NCALD: variants seen among roughly 807,000 people sequenced by gnomAD.
NCALD encodes the protein neurocalcin-delta.
A neutral mutation model predicts 18.6 loss-of-function variants in NCALD; 10 were observed. The observed-to-expected ratio is 0.54, with a 90% CI of 0.33 to 0.91. The LOEUF is 0.91. Among genes scored for constraint, NCALD ranks in the 40% least tolerant of loss-of-function variants. The pLI is 0.03. For synonymous variants in NCALD, 88 were observed against 87.4 expected, an observed-to-expected ratio of 1.01 and a Z score of -0.04; for missense variants, 184 against 247.6, an observed-to-expected ratio of 0.74 and a Z score of 1.72.
At chr8:101,964,291 T>C (rs1360558886) in intron 2 of NCALD, among the ~76,000 whole-genome samples, 2 of 152,206 alleles carry the variant, frequency 1.3e-5, no homozygotes, top group Non-Finnish European at 1.5e-5. Flanking sequence ...ATCTAAAGTT[T>C]CTCTAACTTG....
intron 4 of NCALD, among the ~76,000 whole-genome samples, chr8:101,855,359 C>T (rs73696520): frequency 0.03 from 4,497 of 152,192 alleles, 223 homozygotes; most frequent in African/African-American, 0.1. Context: ...TCAGTCTTAC[C>T]TTCTCCTGGA....
chr8:102,095,356 G>T (rs768228113), intron 1 of NCALD, among the ~76,000 whole-genome samples: 1 of 152,142 alleles, frequency 6.6e-6, no homozygotes, highest in Admixed American at 6.5e-5. Flanking sequence ...TGTTCTGATG[G>T]TGAGGCAGGA....
chr8:102,115,544 C>A (rs893450136), intron 1 of NCALD, among the ~76,000 whole-genome samples: 1 of 152,184 alleles, frequency 6.6e-6, no homozygotes, highest in African/African-American at 2.4e-5. Flanking sequence ...CTACAGTCAT[C>A]GAATTCTCCA....
At chr8:101,946,116 C>T (rs1352340957) in intron 2 of NCALD, among the ~76,000 whole-genome samples, 2 of 152,024 alleles carry the variant, frequency 1.3e-5, no homozygotes, top group Non-Finnish European at 1.5e-5. Context: ...AGCAAAGCTC[C>T]GTCTTCAGTT....
In NCALD at chr8:102,005,856, C is replaced by T. The variant is rs1200928286; in HGVS notation, c.-157+14381G>A. ...GAACACATGGACACAGGAAGGGGAA[C>T]ATCACACACTGGGGCCTGTTGTGGG... On this transcript the variant is annotated intron_variant, in intron 2 of 6. Transcript: ENST00000311028. Among the ~76,000 whole-genome samples the T allele has an allele frequency of 5.4e-5, 7 of 130,702 alleles. 1 individual carries two copies. The highest frequency in any genetic ancestry group is 9.2e-5 in the Non-Finnish European group (6 of 65,322). The allele number at this position is 130,702 out of a possible 152,430, so 85.7% of individuals were successfully genotyped here. A position where few individuals can be genotyped will look rare whatever the true frequency, so the allele number is the denominator to read the frequency against.
At chr8:101,945,045 C>T (rs537955118) in intron 2 of NCALD, among the ~76,000 whole-genome samples, 3 of 152,288 alleles carry the variant, frequency 2.0e-5, no homozygotes, top group East Asian at 1.9e-4. Context: ...GAGCAATGTT[C>T]GTGTCCTACG....
chr8:101,902,371 T>C (rs530034348), intron 3 of NCALD, among the ~76,000 whole-genome samples: 1 of 152,098 alleles, frequency 6.6e-6, no homozygotes, highest in South Asian at 2.1e-4. Context: ...TTTTTTGAAG[T>C]AGTAAAAAGA....
intron 1 of NCALD, among the ~76,000 whole-genome samples, chr8:102,073,853 T>C (rs28495349): frequency 0.17 from 25,956 of 152,188 alleles, 2,582 homozygotes; most frequent in African/African-American, 0.27. Context: ...CTGGTTGAAA[T>C]TGCTGTCTCT....
chr8:101,752,832 C>T (rs76436179), intron 1 of NCALD, among the ~76,000 whole-genome samples: 2,574 of 152,172 alleles, frequency 0.017, 102 homozygotes, highest in East Asian at 0.11. Flanking sequence ...TTAGTCACCA[C>T]ATTGAAAATT....
intron 1 of NCALD, among the ~76,000 whole-genome samples, chr8:101,773,651 G>C (rs1230270611): frequency 6.6e-6 from 1 of 152,174 alleles, no homozygotes; most frequent in Non-Finnish European, 1.5e-5. Flanking sequence ...GAACTCCTGT[G>C]AGAGAGGCCC....
At chr8:101,768,342 T>C (rs1811434412) in intron 1 of NCALD, among the ~76,000 whole-genome samples, 1 of 151,974 alleles carries the variant, frequency 6.6e-6, no homozygotes, top group Non-Finnish European at 1.5e-5. Context: ...ACCAATAGTC[T>C]ATATCTGCAG....
intron 1 of NCALD, among the ~76,000 whole-genome samples, chr8:101,778,699 G>C (rs1246448076): frequency 2.6e-5 from 4 of 152,106 alleles, no homozygotes; most frequent in Non-Finnish European, 5.9e-5. Context: ...TAAGACCATA[G>C]AGGAGAGATC....
intron 1 of NCALD, among the ~76,000 whole-genome samples, chr8:101,789,241 A>G (rs1005505775): frequency 6.6e-6 from 1 of 152,208 alleles, no homozygotes; most frequent in African/African-American, 2.4e-5. Flanking sequence ...CTGAAATGTT[A>G]CATATAAATT....
At chr8:101,893,891 G>T (rs376758306) in intron 3 of NCALD, among the ~76,000 whole-genome samples, 83 of 146,006 alleles carry the variant, frequency 5.7e-4, no homozygotes, top group Non-Finnish European at 9.2e-4. Context: ...ACAAAGAGAC[G>T]TAGACTCCCA....
intron 1 of NCALD, among the ~76,000 whole-genome samples, chr8:101,764,532 A>G (rs1811264061): frequency 6.6e-6 from 1 of 152,190 alleles, no homozygotes; most frequent in Non-Finnish European, 1.5e-5. Context: ...GATGAATATG[A>G]GGAGGGAAGT....
chr8:101,966,444 G>A (rs2131874475), intron 2 of NCALD, among the ~76,000 whole-genome samples: 1 of 147,900 alleles, frequency 6.8e-6, no homozygotes, highest in East Asian at 2.0e-4. Context: ...AGAACACATG[G>A]ACACAGGAAG....
intron 1 of NCALD, among the ~76,000 whole-genome samples, chr8:102,075,636 C>T (rs747891167): frequency 6.6e-6 from 1 of 151,998 alleles, no homozygotes; most frequent in Non-Finnish European, 1.5e-5. Context: ...GAGACATTGG[C>T]AAGATGAATC....
At chr8:102,016,892 T>C (rs1822100774) in intron 2 of NCALD, among the ~76,000 whole-genome samples, 1 of 152,088 alleles carries the variant, frequency 6.6e-6, no homozygotes. Flanking sequence ...GAAAGAGAGA[T>C]GGCCTGGATG....
At chr8:101,985,904 T>C (rs993437407) in intron 2 of NCALD, among the ~76,000 whole-genome samples, 2 of 152,200 alleles carry the variant, frequency 1.3e-5, no homozygotes, top group African/African-American at 4.8e-5. Context: ...CTCAAAACTA[T>C]CTTGCACACT....
Sources: allele counts gnomAD v4.1 joint callset (sites outside exome capture counted in the v4.1 genomes callset), GRCh38; gene constraint gnomAD v4.1.1; transcripts MANE v1.5; gene names NCBI Gene and HGNC (gene_info 2026-07-23, HGNC 2026-07-21).